CDH18: variants seen among roughly 807,000 people sequenced by gnomAD.
CDH18 encodes cadherin 18.
Under a neutral mutation model 67.9 loss-of-function variants are expected in CDH18, and 31 were observed. The ratio of observed to expected loss-of-function variants is 0.46; its 90% CI spans 0.34 to 0.62. The LOEUF is 0.62. Ranked by LOEUF, CDH18 falls within the 20% of genes least tolerant of loss-of-function variation. The probability of loss-of-function intolerance (pLI) is 0.01; values close to 1 mark genes in which losing one functional copy is unlikely to be tolerated. For synonymous variants in CDH18, 362 were observed against 347.2 expected (o/e 1.04, Z -0.48); for missense variants, 890 against 975.5 (o/e 0.91, Z 1.17).
chr5:19,732,752 G>A (rs1767784915), intron 4 of CDH18, among the ~76,000 whole-genome samples: 1 of 152,060 alleles, frequency 6.6e-6, no homozygotes, highest in Non-Finnish European at 1.5e-5. Context: ...ATTGTTTTCA[G>A]AATGATTAGT....
At chr5:19,780,084 C>T (rs1774920031) in intron 3 of CDH18, among the ~76,000 whole-genome samples, 1 of 151,326 alleles carries the variant, frequency 6.6e-6, no homozygotes, top group South Asian at 2.1e-4. Context: ...TTCATTAGAA[C>T]CTTCTTAGAA....
intron 2 of CDH18, among the ~76,000 whole-genome samples, chr5:20,091,569 T>C (rs1454390205): frequency 1.3e-5 from 2 of 152,170 alleles, no homozygotes; most frequent in African/African-American, 4.8e-5. Flanking sequence ...GATTTAAATA[T>C]GGCCATCATA....
At position 19,896,278 on chromosome 5, in the gene CDH18, A is replaced by G. The variant is rs577729856; in HGVS notation, c.-256-57036T>C. ...GCAGGAGAATCATTTGAACCCAAGA[A>G]GCGGAGGTTGCAGTGAGTCGAGAAC... On this transcript the variant is annotated intron_variant, in intron 2 of 12. Transcript: ENST00000382275. Among the ~76,000 whole-genome samples, 11 of 152,154 alleles carry G rather than the reference A, an allele frequency of 7.2e-5. No homozygotes were observed. The South Asian group carries it at 2.3e-3, about 32-fold the overall frequency.
chr5:19,883,018 G>A (rs193060829), intron 2 of CDH18, among the ~76,000 whole-genome samples: 143 of 152,144 alleles, frequency 9.4e-4, no homozygotes, highest in African/African-American at 3.4e-3. Context: ...TAAAGGAAAG[G>A]TGTGGTTGGG....
intron 1 of CDH18, among the ~76,000 whole-genome samples, chr5:20,409,235 T>C (rs530511931): frequency 6.6e-6 from 1 of 151,934 alleles, no homozygotes; most frequent in South Asian, 2.1e-4. Context: ...TTCTGAAGTG[T>C]ACACGAAACA....
At chr5:19,712,216 G>A (rs1330618225) in intron 5 of CDH18, among the ~76,000 whole-genome samples, 1 of 151,842 alleles carries the variant, frequency 6.6e-6, no homozygotes. Flanking sequence ...TTTTCTGGGT[G>A]TTTATTATAC....
At chr5:20,073,772 G>T (rs1743692176) in intron 2 of CDH18, among the ~76,000 whole-genome samples, 1 of 151,872 alleles carries the variant, frequency 6.6e-6, no homozygotes, top group African/African-American at 2.4e-5. Flanking sequence ...TTAAAAAGAT[G>T]ACTAAAAAGG....
At chr5:19,747,805 T>C (rs951268787) in intron 3 of CDH18, among the ~76,000 whole-genome samples, 2 of 151,680 alleles carry the variant, frequency 1.3e-5, no homozygotes, top group African/African-American at 2.4e-5. Context: ...TGATGTAGAA[T>C]ATTAAAAAAT....
chr5:20,281,490 T>G (rs1746268646), intron 1 of CDH18, among the ~76,000 whole-genome samples: 2 of 152,292 alleles, frequency 1.3e-5, no homozygotes, highest in East Asian at 1.9e-4. Flanking sequence ...CTTGTTTTTG[T>G]CAGGCTTGTC....
chr5:20,189,490 T>C (rs1356655182), intron 2 of CDH18, among the ~76,000 whole-genome samples: 2 of 152,108 alleles, frequency 1.3e-5, no homozygotes, highest in African/African-American at 4.8e-5. Context: ...ATATATTACA[T>C]AAAATTTTAT....
chr5:20,378,244 T>C (rs1323164430), intron 1 of CDH18, among the ~76,000 whole-genome samples: 1 of 152,144 alleles, frequency 6.6e-6, no homozygotes, highest in Non-Finnish European at 1.5e-5. Flanking sequence ...TGCGCTCGGC[T>C]CCCTGAAAGC....
intron 2 of CDH18, among the ~76,000 whole-genome samples, chr5:19,916,038 C>T (rs935532808): frequency 2.6e-5 from 4 of 152,116 alleles, no homozygotes; most frequent in African/African-American, 9.7e-5. Context: ...CTAGACTTCC[C>T]TCTTTGTCTG....
At chr5:19,584,142 A>T (rs779543459) in intron 7 of CDH18, among the ~76,000 whole-genome samples, 5 of 152,218 alleles carry the variant, frequency 3.3e-5, no homozygotes, top group Non-Finnish European at 7.3e-5. Flanking sequence ...GTCAGAGGAA[A>T]GAGAGTACAT....
At position 20,376,201 on chromosome 5, in the gene CDH18, T is replaced by C. The variant is rs541121990; in HGVS notation, c.-579-120696A>G. On this transcript the variant is annotated intron_variant, in intron 1 of 14. Coordinates refer to the CDH18 transcript ENST00000507958. Reference sequence around the variant, plus strand: ...CTCCGCCTCCCGGGTTCACGCCATTTTCCTGCCTCAGCCTCCCGAGTAGCT... The same window carrying C: ...CTCCGCCTCCCGGGTTCACGCCATTCTCCTGCCTCAGCCTCCCGAGTAGCT... Among the ~76,000 whole-genome samples the C allele has an allele frequency of 9.3e-4, 137 of 147,224 alleles. 1 individual carries two copies. The highest frequency in any genetic ancestry group is 1.1e-3 in the East Asian group (5 of 4,602).
chr5:19,975,127 C>T (rs1436550740), intron 2 of CDH18, among the ~76,000 whole-genome samples: 3 of 151,982 alleles, frequency 2.0e-5, no homozygotes, highest in African/African-American at 7.3e-5. Context: ...ATAAATGATA[C>T]ATTATATAAA....
At chr5:19,684,180 C>T (rs1309383863) in intron 5 of CDH18, among the ~76,000 whole-genome samples, 1 of 151,968 alleles carries the variant, frequency 6.6e-6, no homozygotes, top group East Asian at 1.9e-4. Flanking sequence ...AGACAAATGT[C>T]TACTATTTTT....
rs1264317951 is a variant in CDH18 at position 19,613,811 on chromosome 5, CAT to C, written c.644-1212_644-1211del. Among the ~76,000 whole-genome samples, 3 of 152,158 alleles carry C rather than the reference CAT, an allele frequency of 2.0e-5. No homozygotes were observed. The East Asian group carries it at 5.8e-4, about 29-fold the overall frequency. On this transcript the variant is annotated intron_variant, in intron 5 of 12. Coordinates refer to ENST00000382275, the MANE Select transcript of CDH18 (RefSeq NM_004934.5). ...TCATGTCCATGAGATAGATTATAAA[CAT>C]GTGTATAAATATCTGTATATCTATG... is the stretch of plus-strand genomic sequence containing the variant.
rs914490024 is a variant in CDH18 at position 20,256,602 on chromosome 5, G to A, written c.-579-1097C>T. Among the ~76,000 whole-genome samples the A allele has an allele frequency of 4.6e-5, 7 of 152,074 alleles. No homozygotes were observed. The South Asian group carries it at 1.5e-3, about 32-fold the overall frequency. ...TTATTTTGGGAATGCTGGGAGGGGT[G>A]GACGAGAGAAAAGTATACATCCAAA... On this transcript the variant is annotated intron_variant, in intron 1 of 14. Transcript: ENST00000507958.
intron 2 of CDH18, among the ~76,000 whole-genome samples, chr5:20,208,566 AT>A (rs1740097910): frequency 6.6e-6 from 1 of 152,152 alleles, no homozygotes; most frequent in Non-Finnish European, 1.5e-5. Context: ...ATTAAAAAAA[AT>A]GTAAAAATTA....
Sources: gnomAD v4.1 joint callset for allele counts (sites outside exome capture counted in the v4.1 genomes callset) on GRCh38, gnomAD v4.1.1 for gene constraint, MANE v1.5 for transcripts, NCBI Gene and HGNC (gene_info 2026-07-23, HGNC 2026-07-21) for gene names.